PDE10A: variants seen among roughly 807,000 people sequenced by gnomAD.
PDE10A encodes the protein phosphodiesterase 10A, also known as cAMP and cAMP-inhibited cGMP 3',5'-cyclic phosphodiesterase 10A.
In PDE10A, 39 loss-of-function variants were observed where a neutral mutation model predicts 97.7. The observed-to-expected ratio is 0.40, with a 90% CI of 0.31 to 0.52. The LOEUF (loss-of-function observed/expected upper bound fraction) is 0.52, where lower values mean the gene tolerates loss of function less well. Among genes scored for constraint, PDE10A ranks in the 20% least tolerant of loss-of-function variants. PDE10A has a pLI of 0.56. For synonymous variants in PDE10A, 371 were observed against 376.8 expected, an observed-to-expected ratio of 0.98 and a Z score of 0.18; for missense variants, 731 against 1,047.8, an observed-to-expected ratio of 0.70 and a Z score of 4.17.
chr6:165,375,084 G>T (rs1251349362), intron 18 of PDE10A, among the ~76,000 whole-genome samples: 1 of 152,006 alleles, frequency 6.6e-6, no homozygotes, highest in African/African-American at 2.4e-5. Flanking sequence ...GAACATCCTT[G>T]TTCCCTAAAA....
At chr6:165,723,469 C>G (rs1329861698) in intron 1 of PDE10A, among the ~76,000 whole-genome samples, 5 of 152,140 alleles carry the variant, frequency 3.3e-5, no homozygotes, top group African/African-American at 1.2e-4. Context: ...CACATGAAAC[C>G]CGGTGTGTGA....
chr6:165,393,479 T>C (rs1583185479), intron 15 of PDE10A, among the ~76,000 whole-genome samples: 1 of 151,932 alleles, frequency 6.6e-6, no homozygotes, highest in South Asian at 2.1e-4. Context: ...CAAAAGCATA[T>C]ATAAAACAAG....
Position 165,542,612 on chromosome 6 carries a change from C to CTTTTTTTTTTTTTTTTTTTT in PDE10A, c.994+808_994+827dup, listed in dbSNP as rs545149187. ...TTTAGGTCAAAAAGATGTCCTTGTT[C>CTTTTTTTTTTTTTTTTTTTT]TTTTTTTTTTTTTTTTTTTTTTTTT... On this transcript the variant is annotated intron_variant, in intron 2 of 21. Coordinates refer to ENST00000539869, the MANE Select transcript of PDE10A (RefSeq NM_001385079.1). 6.5e-4 allele frequency among the ~76,000 whole-genome samples: 50 copies of CTTTTTTTTTTTTTTTTTTTT among 76,450 alleles called. 3 individuals carry two copies. The highest frequency in any genetic ancestry group is 5.1e-3 in the East Asian group (9 of 1,768). 50.2% of individuals were successfully genotyped at this position (76,450 alleles called of 152,430 possible). A position where few individuals can be genotyped will look rare whatever the true frequency, so the allele number is the denominator to read the frequency against.
At chr6:165,571,781 C>G (rs545172729) in intron 1 of PDE10A, among the ~76,000 whole-genome samples, 1 of 152,332 alleles carries the variant, frequency 6.6e-6, no homozygotes, top group Admixed American at 6.5e-5. Context: ...GCAAATACTT[C>G]AAAAGTTTCT....
intron 1 of PDE10A, among the ~76,000 whole-genome samples, chr6:165,768,522 T>C (rs2128459409): frequency 6.6e-6 from 1 of 152,314 alleles, no homozygotes; most frequent in East Asian, 1.9e-4. Flanking sequence ...ATTTTTCGCA[T>C]TTATAGGGAA....
rs1038934516 is a variant in PDE10A at position 165,655,982 on chromosome 6, C to T, written c.865+5965G>A. Among the ~76,000 whole-genome samples, 1 of 152,048 alleles carries T rather than the reference C, an allele frequency of 6.6e-6. No individual in the cohort carries two copies. Among genetic ancestry groups the T allele is most frequent in the Non-Finnish European group, 1.5e-5 (1 of 68,016 alleles). On this transcript the variant is annotated intron_variant, in intron 1 of 21. Transcript: ENST00000539869. This position sits in a 1 kb window ranked among gnomAD's most constrained non-coding sequence, Gnocchi z 4.5. The stretch of plus-strand genomic sequence containing the variant: ...TTCTACTGCCCCTGTGAAGAGAGAC[C>T]TGCACAGAACAAGGCAAGGAGCCAC...
intron 1 of PDE10A, among the ~76,000 whole-genome samples, chr6:165,643,362 T>A (rs9348026): frequency 6.6e-6 from 1 of 151,916 alleles, no homozygotes; most frequent in East Asian, 1.9e-4. Flanking sequence ...GCTGACTTAG[T>A]GAAATAAAGA....
intron 1 of PDE10A, among the ~76,000 whole-genome samples, chr6:165,713,463 C>T (rs982710152): frequency 1.3e-5 from 2 of 152,188 alleles, no homozygotes; most frequent in Admixed American, 6.5e-5. Flanking sequence ...ACAAGTGTGT[C>T]GGGAAGCTTG....
At chr6:165,890,125 TCC>T (rs1402648182) in intron 1 of PDE10A, among the ~76,000 whole-genome samples, 2 of 149,436 alleles carry the variant, frequency 1.3e-5, no homozygotes, top group African/African-American at 4.9e-5. Context: ...CCCTCACTCC[TCC>T]CTCATCCTGT....
At chr6:165,476,701 A>G (rs952461156) in intron 3 of PDE10A, among the ~76,000 whole-genome samples, 2 of 152,248 alleles carry the variant, frequency 1.3e-5, no homozygotes, top group African/African-American at 4.8e-5. Context: ...AGTGAAAGTA[A>G]CAAATTCAAA....
chr6:165,916,663 A>C (rs1218260284), intron 1 of PDE10A, among the ~76,000 whole-genome samples: 1 of 152,214 alleles, frequency 6.6e-6, no homozygotes, highest in African/African-American at 2.4e-5. Flanking sequence ...TATTTCATTT[A>C]TTGATTGATT....
At chr6:165,898,731 GT>G (rs1174380923) in intron 1 of PDE10A, among the ~76,000 whole-genome samples, 3 of 152,038 alleles carry the variant, frequency 2.0e-5, no homozygotes, top group Non-Finnish European at 2.9e-5. Context: ...CAGCCCTCAG[GT>G]CATTCCTCTC....
intron 2 of PDE10A, among the ~76,000 whole-genome samples, chr6:165,513,255 T>TTTATATAATG (rs1781602887): frequency 6.6e-6 from 1 of 152,066 alleles, no homozygotes; most frequent in African/African-American, 2.4e-5. Context: ...ATAGTTATTG[T>TTTATATAATG]TTATATAATG....
At position 165,674,146 on chromosome 6, in the gene PDE10A, C is replaced by A. The variant is rs561408757; in HGVS notation, c.-614-130578G>T. Among the ~76,000 whole-genome samples, 3 of 152,264 alleles carry A rather than the reference C, an allele frequency of 2.0e-5. No individual in the cohort carries two copies. In the South Asian group the frequency reaches 6.2e-4, roughly 32 times the overall value. The stretch of plus-strand genomic sequence containing the variant: ...TTCAAATCTTGCCTTTACCCCTTTC[C>A]CATTCCACAGTTCCCTTGGACAAAA... On this transcript the variant is annotated intron_variant, in intron 1 of 19. Coordinates refer to the PDE10A transcript ENST00000366882.
chr6:165,769,683 G>A (rs1777952549), intron 1 of PDE10A, among the ~76,000 whole-genome samples: 1 of 152,094 alleles, frequency 6.6e-6, no homozygotes, highest in South Asian at 2.1e-4. Flanking sequence ...GATAGAAATG[G>A]AAAACATTAG....
upstream of PDE10A, chr6:165,988,026 G>A (rs1785278015): frequency 2.3e-6 from 1 of 434,422 alleles, no homozygotes; most frequent in African/African-American, 2.0e-5. Flanking sequence ...GGGGGTGCTT[G>A]TGCTCTCAGG....
At chr6:165,979,775 T>A (rs1009900543) in intron 1 of PDE10A, among the ~76,000 whole-genome samples, 3 of 152,222 alleles carry the variant, frequency 2.0e-5, no homozygotes, top group African/African-American at 7.2e-5. Context: ...TCTCGAAATA[T>A]ATAAAATGTG....
intron 1 of PDE10A, among the ~76,000 whole-genome samples, chr6:165,590,869 C>T (rs916682368): frequency 5.3e-5 from 8 of 151,962 alleles, no homozygotes; most frequent in East Asian, 1.9e-4. Context: ...CCAGCCTGGG[C>T]GACAGAGCGA....
intron 1 of PDE10A, among the ~76,000 whole-genome samples, chr6:165,741,318 AATT>A (rs1419180348): frequency 6.6e-6 from 1 of 152,190 alleles, no homozygotes; most frequent in Non-Finnish European, 1.5e-5. Context: ...ACGTTTGAAA[AATT>A]ATTGCCTGAA....
Sources: gnomAD v4.1 joint callset for allele counts (sites outside exome capture counted in the v4.1 genomes callset) on GRCh38, gnomAD v4.1.1 for gene constraint, Gnocchi (gnomAD v3.1) non-coding constraint, MANE v1.5 for transcripts, NCBI Gene and HGNC (gene_info 2026-07-23, HGNC 2026-07-21) for gene names.